Variants in CYP17A1 observed in about 807,000 individuals in gnomAD.
CYP17A1 encodes steroid 17-alpha-hydroxylase/17,20 lyase.
Under a neutral mutation model 38.5 loss-of-function variants are expected in CYP17A1, and 27 were observed. The observed-to-expected ratio is 0.70, with a 90% confidence interval of 0.52 to 0.97. The LOEUF is 0.97. CYP17A1 is among the 50% of genes least tolerant of loss of function. The probability of loss-of-function intolerance (pLI) is 0.00; values close to 1 mark genes in which losing one functional copy is unlikely to be tolerated. For synonymous variants in CYP17A1, 263 were observed against 253.3 expected (o/e 1.04, Z -0.36); for missense variants, 549 against 645.9 (o/e 0.85, Z 1.63).
chr10:102,836,487 A>G (rs1332625233), intron 1 of CYP17A1, among the ~76,000 whole-genome samples: 1 of 145,556 alleles, frequency 6.9e-6, no homozygotes, highest in African/African-American at 2.5e-5. Flanking sequence ...AAATGCTGAG[A>G]GGCTGGGGGC....
intron 6 of CYP17A1, among the ~76,000 whole-genome samples, 171 bp downstream of exon 6, chr10:102,832,340 G>C (rs560727852): frequency 1.3e-5 from 2 of 152,260 alleles, no homozygotes; most frequent in South Asian, 4.2e-4. Context: ...CCAAAGTGTT[G>C]GGATGACAGG....
chr10:102,831,514 T>C lies in CYP17A1; in HGVS notation c.1237A>G (p.Met413Val), dbSNP rs780194004. The C allele has an allele frequency of 6.2e-7, 1 of 1,613,948 alleles. No homozygotes were observed. The highest frequency in any genetic ancestry group is 8.5e-7 in the Non-Finnish European group (1 of 1,180,014). Residue 413 changes from methionine (M) to valine (V), a missense_variant, in exon 7 of 8, where the codon ATG (methionine) becomes GTG (valine). Met to Val is a conservative substitution (Grantham distance 21). Around this residue, in one of 3 missense-constraint regions of CYP17A1, gnomAD observed 257 missense variants for 307.9 expected, o/e 0.83. Transcript: ENST00000369887. ...CAGGACAGGACAGACTCACCAGGCA[T>C]GAACTGATCCGGCTGGTGCCACTCC... ...EKEWHQPDQF[M>V]PERFLNPAGT...
intron 4 of CYP17A1, chr10:102,833,448 C>A: frequency 1.7e-6 from 1 of 601,774 alleles, no homozygotes; most frequent in Non-Finnish European, 2.7e-6. Flanking sequence ...GATCCCAACT[C>A]CTTGAGTCAG....
intron 1 of CYP17A1, chr10:102,836,770 T>G: frequency 2.1e-6 from 1 of 476,846 alleles, no homozygotes; most frequent in Non-Finnish European, 3.9e-6. Context: ...ATTAGAGAAG[T>G]CTAGGCTCAG....
At position 102,835,692 on chromosome 10, in the gene CYP17A1, T is replaced by C. The variant is rs1347104038; in HGVS notation, c.298-300A>G. 4 of 423,922 alleles carry C rather than the reference T, an allele frequency of 9.4e-6. No individual in the cohort carries two copies. In the East Asian group the frequency reaches 2.0e-4, roughly 22 times the overall value. 26.3% of individuals were successfully genotyped at this position (423,922 alleles called of 1,614,324 possible). The stretch of plus-strand genomic sequence containing the variant: ...GCTGACAGGGTGCCCTCTGGGCTTC[T>C]TTTTGCTCATCAGTTTCTGACCACA... On this transcript the variant is annotated intron_variant, in intron 1 of 7. Coordinates refer to ENST00000369887, the MANE Select transcript of CYP17A1 (RefSeq NM_000102.4).
chr10:102,837,065 C>A lies in CYP17A1; in HGVS notation c.297G>T (p.Met99Ile). ...KGKDFSGRPQMATLDIASNNR... is the reference protein window; with the variant it reads ...KGKDFSGRPQIATLDIASNNR... ...CAGGGAGGAGATGGGCACCACTTAC[C>A]ATTTGAGGCCGCCCAGAGAAGTCCT... is the stretch of plus-strand genomic sequence containing the variant. The change falls in exon 1 of 8, where the codon ATG (methionine) becomes ATT (isoleucine). Residue 99 changes from methionine (M) to isoleucine (I), a missense_variant and splice_region_variant. Transcript: ENST00000369887. 6.3e-7 allele frequency: 1 copy of A among 1,581,766 alleles called. No homozygotes were observed. Among genetic ancestry groups the A allele is most frequent in the Non-Finnish European group, 8.7e-7 (1 of 1,151,328 alleles).
Position 102,834,051 on chromosome 10 carries a change from T to A in CYP17A1, c.738A>T (p.Ile246=). 1 of 1,203,432 alleles carries A rather than the reference T, an allele frequency of 8.3e-7. No homozygotes were observed. The highest frequency in any genetic ancestry group is 1.2e-6 in the Non-Finnish European group (1 of 804,428). 74.5% of individuals were successfully genotyped at this position (1,203,432 alleles called of 1,614,324 possible). A position where few individuals can be genotyped will look rare whatever the true frequency, so the allele number is the denominator to read the frequency against. The change falls in exon 4 of 8, where the codon ATA becomes ATT. Residue 246 remains isoleucine, a synonymous_variant. Coordinates refer to ENST00000369887, the MANE Select transcript of CYP17A1 (RefSeq NM_000102.4). Reference sequence around the variant, plus strand: ...TATCACCTACCTTGTAATTTTCAAGTATTTTATTCAGCAGATCATTTCGTA... The same window carrying A: ...TATCACCTACCTTGTAATTTTCAAGAATTTTATTCAGCAGATCATTTCGTA... ...VKIRNDLLNK[I]LENYKEKFRS...
Position 102,837,402 on chromosome 10 carries a change from T to G in CYP17A1, c.-41A>C, listed in dbSNP as rs370691127. The G allele has an allele frequency of 2.3e-6, 3 of 1,307,644 alleles. No homozygotes were observed. Among genetic ancestry groups the G allele is most frequent in the Non-Finnish European group, 3.3e-6 (3 of 901,846 alleles). The allele number at this position is 1,307,644 out of a possible 1,614,324, so 81.0% of individuals were successfully genotyped here. On this transcript the variant is annotated 5_prime_UTR_variant, in exon 1 of 8. Transcript: ENST00000369887. ...GCAGGCAAGATAGACAGCAGTGGAG[T>G]AGAAGAGCTGTGGCAACTCTAGGGC...
At chr10:102,833,241 G>A in intron 4 of CYP17A1, 33 bp from the exon 5 acceptor site, 1 of 1,613,840 alleles carries the variant, frequency 6.2e-7, no homozygotes. Context: ...ACATTAATAA[G>A]GAAGGAGCCC....
chr10:102,833,095 A>T lies in CYP17A1; in HGVS notation c.867T>A (p.Asp289Glu). 1.2e-6 allele frequency: 2 copies of T among 1,614,164 alleles called. No homozygotes were observed. Among genetic ancestry groups the T allele is most frequent in the South Asian group, 1.1e-5 (1 of 91,082 alleles). The change falls in exon 5 of 8, where the codon GAT becomes GAA. Residue 289 changes from aspartate (D) to glutamate (E), a missense_variant. This residue lies in a region of CYP17A1 where 257 missense variants were observed against 307.9 expected (regional missense o/e 0.83). Transcript: ENST00000369887. Reference sequence around the variant, plus strand: ...CCCCTATGGTGGTGAGAATGTGGTTATCTGAAAGCAGCTCTGAGTCTTGAT... The same window carrying T: ...CCCCTATGGTGGTGAGAATGTGGTTTTCTGAAAGCAGCTCTGAGTCTTGAT... The part of the protein sequence containing the change: ...GPDQDSELLS[D>E]NHILTTIGDI...
chr10:102,831,512 C>T lies in CYP17A1; in HGVS notation c.1239G>A (p.Met413Ile). 1 of 1,613,954 alleles carries T rather than the reference C, an allele frequency of 6.2e-7. No homozygotes were observed. The highest frequency in any genetic ancestry group is 8.5e-7 in the Non-Finnish European group (1 of 1,180,024). Reference protein sequence around the residue: ...EKEWHQPDQFMPERFLNPAGT... With the variant: ...EKEWHQPDQFIPERFLNPAGT... ...CGCAGGACAGGACAGACTCACCAGG[C>T]ATGAACTGATCCGGCTGGTGCCACT... The change falls in exon 7 of 8, where the codon ATG becomes ATA. Residue 413 changes from methionine (M) to isoleucine (I), a missense_variant. Met to Ile is a conservative substitution (Grantham distance 10). This residue lies in a region of CYP17A1 where 257 missense variants were observed against 307.9 expected (regional missense o/e 0.83). Coordinates refer to ENST00000369887, the MANE Select transcript of CYP17A1 (RefSeq NM_000102.4).
In CYP17A1 at chr10:102,830,941, C is replaced by T; in HGVS notation, c.1288G>A (p.Val430Ile). The part of the protein sequence containing the change: ...PAGTQLISPS[V>I]SYLPFGAGPR... ...CCTGCTCCGAAGGGCAAATAGCTTA[C>T]TGACGGTGAGATGAGCTGGGTCCCC... is the stretch of plus-strand genomic sequence containing the variant. The change falls in exon 8 of 8, where the codon GTA becomes ATA. Residue 430 changes from valine to isoleucine, a missense_variant. Physicochemically the swap from Val to Ile is conservative, Grantham distance 29 (BLOSUM62 3). Coordinates refer to ENST00000369887, the MANE Select transcript of CYP17A1 (RefSeq NM_000102.4). The surrounding 1 kb of genome is among the most constrained non-coding windows in gnomAD (Gnocchi z 4.1). 1 of 1,577,912 alleles carries T rather than the reference C, an allele frequency of 6.3e-7. No individual in the cohort carries two copies. The highest frequency in any genetic ancestry group is 8.6e-7 in the Non-Finnish European group (1 of 1,159,128).
At position 102,834,878 on chromosome 10, in the gene CYP17A1, C is replaced by G. The variant is rs1167578527; in HGVS notation, c.573G>C (p.Gly191=). The G allele has an allele frequency of 6.2e-7, 1 of 1,613,862 alleles. No individual in the cohort carries two copies. Among genetic ancestry groups the G allele is most frequent in the Non-Finnish European group, 8.5e-7 (1 of 1,180,008 alleles). ...LICFNTSYKN[G]DPELNVIQNY... ...TCTGTATGACATTCAACTCAGGGTCCCCATTCTTGTAGGAGGTATTGAAGC... is the reference window on the plus strand; with the variant it reads ...TCTGTATGACATTCAACTCAGGGTCGCCATTCTTGTAGGAGGTATTGAAGC... The change falls in exon 3 of 8, where the codon GGG becomes GGC. Residue 191 remains glycine (G), a synonymous_variant. Coordinates refer to ENST00000369887, the MANE Select transcript of CYP17A1 (RefSeq NM_000102.4).
At chr10:102,832,145 C>T (rs1564777966) in intron 6 of CYP17A1, among the ~76,000 whole-genome samples, 1 of 152,126 alleles carries the variant, frequency 6.6e-6, no homozygotes, top group East Asian at 1.9e-4. Flanking sequence ...GCAATCTTGG[C>T]TCACTGCAAC....
rs1844072627 is a variant in CYP17A1 at position 102,830,537 on chromosome 10, A to G, written c.*165T>C. On this transcript the variant is annotated 3_prime_UTR_variant, in exon 8 of 8. Transcript: ENST00000369887. This position sits in a 1 kb window ranked among gnomAD's most constrained non-coding sequence, Gnocchi z 4.1. Reference sequence around the variant, plus strand: ...AATGAACTACTCAGGGACCTTATGGAAAAAAAAAAACTGTTTATGCACATC... The same window carrying G: ...AATGAACTACTCAGGGACCTTATGGGAAAAAAAAAACTGTTTATGCACATC... The G allele has an allele frequency of 4.0e-6, 2 of 496,040 alleles. No homozygotes were observed. The highest frequency in any genetic ancestry group is 5.7e-4 in the Middle Eastern group (1 of 1,768). 30.7% of individuals were successfully genotyped at this position (496,040 alleles called of 1,614,324 possible).
Position 102,834,975 on chromosome 10 carries a change from G to C in CYP17A1, c.476C>G (p.Thr159Ser). The C allele has an allele frequency of 6.2e-7, 1 of 1,610,516 alleles. No homozygotes were observed. ...GATGTCTATGGACTGTCCGTTGTGG[G>C]TGGCCAGCATATCACACAATGTACT... Reference protein sequence around the residue: ...EISTLCDMLATHNGQSIDISF... With the variant: ...EISTLCDMLASHNGQSIDISF... Residue 159 changes from threonine to serine, a missense_variant, in exon 3 of 8, where the codon ACC (threonine) becomes AGC (serine). Coordinates refer to ENST00000369887, the MANE Select transcript of CYP17A1 (RefSeq NM_000102.4).
intron 4 of CYP17A1, chr10:102,833,460 T>G (rs557092889): frequency 5.3e-6 from 2 of 378,740 alleles, no homozygotes; most frequent in East Asian, 6.3e-5. Flanking sequence ...TTGAGTCAGT[T>G]TTTTTTTTTT....
intron 4 of CYP17A1, 193 bp downstream of exon 4, chr10:102,833,843 C>T (rs543252118): frequency 4.6e-5 from 25 of 540,878 alleles, no homozygotes; most frequent in African/African-American, 1.7e-4. Context: ...CTGCCCACCT[C>T]GGCCTCCCAA....
In CYP17A1 at chr10:102,830,730, C is replaced by T; in HGVS notation, c.1499G>A (p.Arg500Lys). 1 of 1,601,718 alleles carries T rather than the reference C, an allele frequency of 6.2e-7. No homozygotes were observed. The highest frequency in any genetic ancestry group is 1.1e-5 in the South Asian group (1 of 89,794). ...GGTGCTACCCTCAGCCTGGGCTTCC[C>T]TCCAGGCCTGGCGCACCTTGATCTT... ...KVKIKVRQAW[R>K]EAQAEGST The change falls in exon 8 of 8, where the codon AGG becomes AAG. Residue 500 changes from arginine to lysine, a missense_variant. Arg to Lys is a conservative substitution (Grantham distance 26). This residue lies in a region of CYP17A1 where 257 missense variants were observed against 307.9 expected (regional missense o/e 0.83). Coordinates refer to ENST00000369887, the MANE Select transcript of CYP17A1 (RefSeq NM_000102.4). This position sits in a 1 kb window ranked among gnomAD's most constrained non-coding sequence, Gnocchi z 4.1.
Sources: gnomAD v4.1 joint callset for allele counts (sites outside exome capture counted in the v4.1 genomes callset) on GRCh38, gnomAD v4.1.1 for gene constraint, gnomAD v4.1.1 regional missense constraint, Gnocchi (gnomAD v3.1) non-coding constraint, MANE v1.5 for transcripts, NCBI Gene and HGNC (gene_info 2026-07-23, HGNC 2026-07-21) for gene names.